Variants in SLCO3A1 observed in about 807,000 individuals in gnomAD.
SLCO3A1 encodes PGE1 transporter.
Under a neutral mutation model 63.1 loss-of-function variants are expected in SLCO3A1, and 27 were observed. The ratio of observed to expected loss-of-function variants is 0.43; its 90% confidence interval spans 0.32 to 0.59. The LOEUF (loss-of-function observed/expected upper bound fraction) is 0.59, where lower values mean the gene tolerates loss of function less well. SLCO3A1 is among the 20% of genes least tolerant of loss of function. The pLI, the probability that SLCO3A1 is intolerant of heterozygous loss-of-function variation, is 0.09. For missense variants in SLCO3A1, 773 were observed against 945.8 expected (o/e 0.82, Z 2.40); for synonymous variants, 473 against 409.9 (o/e 1.15, Z -1.86).
intron 4 of SLCO3A1, among the ~76,000 whole-genome samples, chr15:92,109,881 G>A (rs890380518): frequency 6.6e-6 from 1 of 152,100 alleles, no homozygotes; most frequent in African/African-American, 2.4e-5. Context: ...GGGGAGACAG[G>A]GAGAGGTGAG....
chr15:92,042,650 G>A (rs1261980531), intron 2 of SLCO3A1, among the ~76,000 whole-genome samples: 2 of 152,214 alleles, frequency 1.3e-5, no homozygotes, highest in African/African-American at 4.8e-5. Context: ...GGTCTGAGAA[G>A]GTGCAACTTT....
chr15:92,004,307 A>C (rs907828697), intron 2 of SLCO3A1, among the ~76,000 whole-genome samples: 1 of 152,202 alleles, frequency 6.6e-6, no homozygotes, highest in African/African-American at 2.4e-5. Context: ...ATCCTCCTAT[A>C]CGGTGAAGAC....
intron 1 of SLCO3A1, among the ~76,000 whole-genome samples, chr15:91,870,413 G>T (rs1897257357): frequency 6.6e-6 from 1 of 152,174 alleles, no homozygotes; most frequent in Admixed American, 6.5e-5. Context: ...TCCTCCCTTA[G>T]AGATAATTTA....
intron 2 of SLCO3A1, among the ~76,000 whole-genome samples, chr15:91,949,381 G>A (rs559928515): frequency 2.6e-5 from 4 of 152,294 alleles, no homozygotes; most frequent in African/African-American, 7.2e-5. Context: ...TGTAATCCCA[G>A]CACTTTGGGA....
intron 7 of SLCO3A1, among the ~76,000 whole-genome samples, chr15:92,142,726 G>T (rs1291655269): frequency 2.0e-5 from 3 of 152,048 alleles, no homozygotes; most frequent in African/African-American, 7.2e-5. Context: ...ACCCGGATGG[G>T]GCTGTGCAGG....
rs1360350725 is a variant in SLCO3A1 at position 91,872,070 on chromosome 15, G to A, written c.180+17982G>A. Among the ~76,000 whole-genome samples the A allele has an allele frequency of 6.6e-6, 1 of 152,144 alleles. No individual in the cohort carries two copies. Among genetic ancestry groups the A allele is most frequent in the Non-Finnish European group, 1.5e-5 (1 of 68,026 alleles). On this transcript the variant is annotated intron_variant, in intron 1 of 9. Coordinates refer to ENST00000318445, the MANE Select transcript of SLCO3A1 (RefSeq NM_013272.4). This position sits in a 1 kb window ranked among gnomAD's most constrained non-coding sequence, Gnocchi z 4.1. ...TGAGTTCAAGGGATTGGTCACAAAA[G>A]ATGTGGGGAGTCAAATCCTCTGTGG... is the stretch of plus-strand genomic sequence containing the variant.
chr15:92,066,197 G>A (rs1156952193), intron 2 of SLCO3A1, among the ~76,000 whole-genome samples: 1 of 152,210 alleles, frequency 6.6e-6, no homozygotes, highest in Non-Finnish European at 1.5e-5. Flanking sequence ...GAAGAGGCCA[G>A]GTCAAGTCTA....
At chr15:92,128,586 T>A in intron 7 of SLCO3A1, 97 bp downstream of exon 7, 2 of 1,117,150 alleles carry the variant, frequency 1.8e-6, no homozygotes, top group Admixed American at 5.4e-5. Context: ...TCCCTGTGAC[T>A]TTTTCTTAGC....
At chr15:91,907,851 C>G (rs1898359084) in intron 1 of SLCO3A1, among the ~76,000 whole-genome samples, 2 of 152,138 alleles carry the variant, frequency 1.3e-5, no homozygotes, top group African/African-American at 2.4e-5. Context: ...TAAGGAAAGC[C>G]AGGCCGACTC....
intron 2 of SLCO3A1, among the ~76,000 whole-genome samples, chr15:92,053,058 G>A (rs951883590): frequency 3.9e-5 from 6 of 152,062 alleles, no homozygotes; most frequent in Admixed American, 1.3e-4. Flanking sequence ...ATGTTTTAAG[G>A]CATGTATCTT....
At chr15:91,879,263 A>G (rs1252470217) in intron 1 of SLCO3A1, among the ~76,000 whole-genome samples, 2 of 151,088 alleles carry the variant, frequency 1.3e-5, no homozygotes, top group Non-Finnish European at 2.9e-5. Context: ...CACACCACTT[A>G]CACTGTGATA....
intron 2 of SLCO3A1, among the ~76,000 whole-genome samples, chr15:91,944,416 G>A (rs1020378968): frequency 6.6e-6 from 1 of 152,132 alleles, no homozygotes; most frequent in Non-Finnish European, 1.5e-5. Flanking sequence ...ACCAAAGTGA[G>A]ACAAAGCATT....
chr15:92,101,571 G>T (rs2047605134), intron 3 of SLCO3A1, among the ~76,000 whole-genome samples: 1 of 152,096 alleles, frequency 6.6e-6, no homozygotes, highest in Non-Finnish European at 1.5e-5. Context: ...TTCTCAGACG[G>T]GTCCAACCAG....
intron 7 of SLCO3A1, among the ~76,000 whole-genome samples, chr15:92,137,175 C>T (rs926766173): frequency 2.1e-5 from 3 of 139,604 alleles, no homozygotes; most frequent in African/African-American, 8.8e-5. Context: ...TTCCTGTGTC[C>T]ATGTGATCTC....
chr15:92,151,176 A>G, intron 9 of SLCO3A1, 162 bp downstream of exon 9: 1 of 587,578 alleles, frequency 1.7e-6, no homozygotes, highest in Non-Finnish European at 3.0e-6. Flanking sequence ...TTGGTCAGAG[A>G]TAAACTCAGA....
rs189725830 is a variant in SLCO3A1, at chr15:92,140,760, T to A, written c.1513-6224T>A. On this transcript the variant is annotated intron_variant, in intron 7 of 9. Coordinates refer to ENST00000318445, the MANE Select transcript of SLCO3A1 (RefSeq NM_013272.4). The stretch of plus-strand genomic sequence containing the variant: ...GGCCTTCTTTGTCTCTTTTGATCAT[T>A]GTTGGTTTAAAGTCTGTTTTATCAG... 3.1e-3 allele frequency among the ~76,000 whole-genome samples: 475 copies of A among 152,310 alleles called. 1 individual carries two copies. The highest frequency in any genetic ancestry group is 0.011 in the African/African-American group (463 of 41,574).
intron 1 of SLCO3A1, among the ~76,000 whole-genome samples, chr15:91,913,606 G>T (rs139404517): frequency 2.2e-4 from 33 of 151,250 alleles, no homozygotes; most frequent in African/African-American, 6.4e-4. Context: ...TTTTTGGTTT[G>T]TTTTTTTAGT....
intron 7 of SLCO3A1, among the ~76,000 whole-genome samples, chr15:92,131,396 G>A (rs533131749): frequency 3.8e-4 from 37 of 97,880 alleles, no homozygotes; most frequent in Admixed American, 9.1e-4. Flanking sequence ...ACAGGGTCTC[G>A]CTCTGTCACC....
Position 91,856,956 on chromosome 15 carries a change from G to T in SLCO3A1, c.180+2868G>T, listed in dbSNP as rs548399684. On this transcript the variant is annotated intron_variant, in intron 1 of 9. Coordinates refer to ENST00000318445, the MANE Select transcript of SLCO3A1 (RefSeq NM_013272.4). This position sits in a 1 kb window ranked among gnomAD's most constrained non-coding sequence, Gnocchi z 4.9. ...TCTCAGTGTCCTGAATGACACTAGT[G>T]TAGGCTTCCCAACTGCAGAACTGAA... Among the ~76,000 whole-genome samples the T allele has an allele frequency of 1.3e-4, 20 of 152,150 alleles. No individual in the cohort carries two copies. The East Asian group carries it at 3.7e-3, about 28-fold the overall frequency.
Sources: allele counts gnomAD v4.1 joint callset (sites outside exome capture counted in the v4.1 genomes callset), GRCh38; gene constraint gnomAD v4.1.1; non-coding constraint Gnocchi (gnomAD v3.1); transcripts MANE v1.5; gene names NCBI Gene and HGNC (gene_info 2026-07-23, HGNC 2026-07-21).